Variants in FMN2 observed in about 807,000 individuals in gnomAD.
FMN2 encodes formin 2.
In FMN2, 51 loss-of-function variants were observed where a neutral mutation model predicts 142.3. That is an observed-to-expected ratio of 0.36 (90% CI 0.29 to 0.45). FMN2 has a LOEUF of 0.45. Among genes scored for constraint, FMN2 ranks in the 20% least tolerant of loss-of-function variants. The pLI, the probability that FMN2 is intolerant of heterozygous loss-of-function variation, is 1.00. For synonymous variants in FMN2, 882 were observed against 869.8 expected (o/e 1.01, Z -0.25); for missense variants, 1,936 against 2,122.8 (o/e 0.91, Z 1.73).
intron 14 of FMN2, among the ~76,000 whole-genome samples, chr1:240,366,533 A>G (rs1382647217): frequency 8.6e-6 from 1 of 116,272 alleles, no homozygotes; most frequent in African/African-American, 3.6e-5. Context: ...ATCCTATTCT[A>G]TCCTTTTTTT....
chr1:240,174,147 C>T (rs910744008), intron 2 of FMN2, among the ~76,000 whole-genome samples: 1 of 152,136 alleles, frequency 6.6e-6, no homozygotes, highest in African/African-American at 2.4e-5. Context: ...AACCGAAGCT[C>T]AGGCTTAGAA....
At chr1:240,416,283 C>T (rs1449055367) in intron 15 of FMN2, among the ~76,000 whole-genome samples, 15 of 119,872 alleles carry the variant, frequency 1.3e-4, no homozygotes, top group South Asian at 5.0e-4. Flanking sequence ...TTTTTTGAGA[C>T]GGAGTCTTGC....
chr1:240,293,343 C>T (rs1393694064), intron 7 of FMN2, among the ~76,000 whole-genome samples: 1 of 152,046 alleles, frequency 6.6e-6, no homozygotes, highest in Non-Finnish European at 1.5e-5. Context: ...TTATAGTTTT[C>T]TTATCATGTA....
chr1:240,427,549 A>G (rs1326164756), intron 15 of FMN2, among the ~76,000 whole-genome samples: 1 of 152,222 alleles, frequency 6.6e-6, no homozygotes, highest in African/African-American at 2.4e-5. Flanking sequence ...AGCAGGATAT[A>G]GAGAAACGCC....
At chr1:240,183,528 T>A (rs1332915980) in intron 3 of FMN2, among the ~76,000 whole-genome samples, 1 of 149,840 alleles carries the variant, frequency 6.7e-6, no homozygotes, top group South Asian at 2.1e-4. Flanking sequence ...ACATAGTATG[T>A]GCATGCATGT....
intron 5 of FMN2, among the ~76,000 whole-genome samples, chr1:240,210,170 G>A (rs1342647694): frequency 2.0e-5 from 3 of 152,124 alleles, no homozygotes; most frequent in Non-Finnish European, 4.4e-5. Context: ...ATACATTTAT[G>A]TGTCATCTAT....
chr1:240,142,717 T>A (rs955945374), intron 2 of FMN2: 67 of 1,611,082 alleles, frequency 4.2e-5, no homozygotes, highest in African/African-American at 5.3e-5. Flanking sequence ...CTTTCCAGAA[T>A]GGGGGTAACA....
Position 240,329,243 on chromosome 1 carries a change from G to T in FMN2, c.4307+76G>T, listed in dbSNP as rs6686353. On this transcript the variant is annotated intron_variant, in intron 9 of 17. Coordinates refer to ENST00000319653, the MANE Select transcript of FMN2 (RefSeq NM_020066.5). The stretch of plus-strand genomic sequence containing the variant: ...CGTTTTGTTTGGAAAATGCAAATGC[G>T]GTGTCTTCAGTGCATACTTGTTGTG... The T allele has an allele frequency of 8.9e-4, 1,416 of 1,593,814 alleles. 3 individuals are homozygous for T. Among genetic ancestry groups the T allele is most frequent in the Non-Finnish European group, 1.1e-3 (1,327 of 1,164,836 alleles).
chr1:240,311,944 C>G (rs982622232), intron 8 of FMN2, among the ~76,000 whole-genome samples: 65 of 152,134 alleles, frequency 4.3e-4, no homozygotes, highest in African/African-American at 1.4e-3. Flanking sequence ...TCTTGCCTCA[C>G]CCTCTCAAAT....
At chr1:240,306,266 CT>C (rs1670398510) in intron 8 of FMN2, among the ~76,000 whole-genome samples, 1 of 152,022 alleles carries the variant, frequency 6.6e-6, no homozygotes, top group Non-Finnish European at 1.5e-5. Flanking sequence ...TTTTTATTTT[CT>C]TTTTTTAAAA....
At chr1:240,303,413 G>A (rs149524221) in intron 8 of FMN2, among the ~76,000 whole-genome samples, 118 of 152,206 alleles carry the variant, frequency 7.8e-4, no homozygotes, top group Admixed American at 2.7e-3. Context: ...ATAGTCAAAG[G>A]ATAGTTTTAC....
chr1:240,239,773 A>G lies in FMN2; in HGVS notation c.4066-18172A>G, dbSNP rs141455107. Among the ~76,000 whole-genome samples, 92 of 152,362 alleles carry G rather than the reference A, an allele frequency of 6.0e-4. No individual in the cohort carries two copies. In the East Asian group the frequency reaches 0.013, roughly 22 times the overall value. ...CAAAACGCCTGAATACCGAATGACC[A>G]TTTACTAAATCATTAAAAGTTTATT... On this transcript the variant is annotated intron_variant, in intron 6 of 17. Transcript: ENST00000319653.
At chr1:240,123,588 CAA>C (rs1296741679) in intron 2 of FMN2, among the ~76,000 whole-genome samples, 2 of 151,538 alleles carry the variant, frequency 1.3e-5, no homozygotes, top group Non-Finnish European at 2.9e-5. Flanking sequence ...GATGGTCACT[CAA>C]GAGTTCTCTA....
At chr1:240,258,658 T>C (rs10926184) in intron 7 of FMN2, among the ~76,000 whole-genome samples, 58,047 of 151,982 alleles carry the variant, frequency 0.38, 11,532 homozygotes, top group East Asian at 0.55. Context: ...TAACATTTTA[T>C]AAATGGCTTT....
chr1:240,123,520 A>AAAAAC (rs1201456846), intron 2 of FMN2, among the ~76,000 whole-genome samples, 175 bp downstream of exon 2: 1 of 142,340 alleles, frequency 7.0e-6, no homozygotes, highest in Non-Finnish European at 1.6e-5. Context: ...AAAAAAAAAA[A>AAAAAC]AAGAAAGAAA....
chr1:240,318,070 G>A (rs755678306), intron 8 of FMN2, among the ~76,000 whole-genome samples: 10 of 152,024 alleles, frequency 6.6e-5, no homozygotes, highest in Non-Finnish European at 5.9e-5. Context: ...TCTTTTTCCC[G>A]CTTTCTAGTT....
intron 7 of FMN2, among the ~76,000 whole-genome samples, chr1:240,287,455 G>T (rs959266725): frequency 3.9e-5 from 6 of 152,078 alleles, no homozygotes; most frequent in Admixed American, 2.6e-4. Context: ...CGTAAATATG[G>T]GCTGATTTGT....
chr1:240,271,790 A>G (rs774480424), intron 7 of FMN2, among the ~76,000 whole-genome samples: 1 of 152,162 alleles, frequency 6.6e-6, no homozygotes, highest in Non-Finnish European at 1.5e-5. Flanking sequence ...AATTTAAAAT[A>G]TAAGTTCATT....
chr1:240,257,582 C>A (rs1292976217), intron 6 of FMN2, among the ~76,000 whole-genome samples: 1 of 152,138 alleles, frequency 6.6e-6, no homozygotes, highest in Non-Finnish European at 1.5e-5. Context: ...GAAAAAAGAA[C>A]ACTTCAAATC....
Sources: allele counts gnomAD v4.1 joint callset (sites outside exome capture counted in the v4.1 genomes callset), GRCh38; gene constraint gnomAD v4.1.1; transcripts MANE v1.5; gene names NCBI Gene and HGNC (gene_info 2026-07-23, HGNC 2026-07-21).